Variants in KIAA1217 observed in about 807,000 individuals in gnomAD.
The protein encoded by KIAA1217 is sickle tail protein homolog.
KIAA1217 carries 88 observed loss-of-function variants against 163.9 expected under a neutral mutation model. That is an observed-to-expected ratio of 0.54 (90% confidence interval 0.45 to 0.64). The LOEUF (loss-of-function observed/expected upper bound fraction) is 0.64, where lower values mean the gene tolerates loss of function less well. Ranked by LOEUF, KIAA1217 falls within the 30% of genes least tolerant of loss-of-function variation. The pLI is 0.00. For synonymous variants in KIAA1217, 903 were observed against 923.1 expected (o/e 0.98, Z 0.39); for missense variants, 2,372 against 2,475.0 (o/e 0.96, Z 0.88).
At chr10:23,840,693 AT>A in intron 1 of KIAA1217, among the ~76,000 whole-genome samples, 1 of 152,318 alleles carries the variant, frequency 6.6e-6, no homozygotes, top group African/African-American at 2.4e-5. Flanking sequence ...CATTTTCAGT[AT>A]GTTTTAGTTG....
intron 1 of KIAA1217, among the ~76,000 whole-genome samples, chr10:23,900,075 T>C (rs901454185): frequency 2.0e-5 from 3 of 151,758 alleles, no homozygotes; most frequent in Non-Finnish European, 2.9e-5. Flanking sequence ...GGTGTGATCT[T>C]GGCTTACTGC....
intron 1 of KIAA1217, among the ~76,000 whole-genome samples, chr10:23,878,365 G>A (rs898803869): frequency 1.3e-5 from 2 of 151,878 alleles, no homozygotes; most frequent in Non-Finnish European, 2.9e-5. Flanking sequence ...CTTATTATTT[G>A]TCTCTTGATT....
In KIAA1217 at chr10:24,406,937, T is replaced by A. The variant is rs569719913; in HGVS notation, c.553+25870T>A. 6.6e-5 allele frequency among the ~76,000 whole-genome samples: 10 copies of A among 152,286 alleles called. 1 individual carries two copies. In the South Asian group the frequency reaches 2.1e-3, roughly 32 times the overall value. On this transcript the variant is annotated intron_variant, in intron 3 of 20. Transcript: ENST00000376454. Reference sequence around the variant, plus strand: ...ATTTTGCCCAACTCTTTCATAATAGTTTCATCTGATGAAACAACAAAAGCA... The same window carrying A: ...ATTTTGCCCAACTCTTTCATAATAGATTCATCTGATGAAACAACAAAAGCA...
At chr10:23,907,047 A>C (rs1375790867) in intron 1 of KIAA1217, among the ~76,000 whole-genome samples, 2 of 152,120 alleles carry the variant, frequency 1.3e-5, no homozygotes, top group Non-Finnish European at 2.9e-5. Flanking sequence ...GGCAGCGTAC[A>C]GTCATTTATG....
At position 24,215,714 on chromosome 10, in the gene KIAA1217, A is replaced by G. The variant is rs144939933; in HGVS notation, c.71-3912A>G. ...AGGTGTGGGGCTTGACGCTTCCAAG[A>G]GCTGAGCCTTGTCGAGGAAAAGGCT... On this transcript the variant is annotated intron_variant, in intron 1 of 20. Transcript: ENST00000376454. Among the ~76,000 whole-genome samples, 534 of 152,306 alleles carry G rather than the reference A, an allele frequency of 3.5e-3. 13 individuals are homozygous for G. The East Asian group carries it at 0.053, about 15-fold the overall frequency.
chr10:24,426,365 T>C (rs1282564863), intron 3 of KIAA1217, among the ~76,000 whole-genome samples: 2 of 152,130 alleles, frequency 1.3e-5, no homozygotes, highest in Non-Finnish European at 2.9e-5. Context: ...GCTCCACCTG[T>C]AATCCTAGCA....
chr10:24,445,624 T>A (rs2060861515), intron 5 of KIAA1217, among the ~76,000 whole-genome samples: 2 of 147,698 alleles, frequency 1.4e-5, no homozygotes, highest in Non-Finnish European at 3.0e-5. Context: ...AGTGAGAACA[T>A]GCGGTCTTTG....
chr10:24,444,138 G>T (rs934341335), intron 5 of KIAA1217, among the ~76,000 whole-genome samples: 19 of 152,062 alleles, frequency 1.2e-4, no homozygotes, highest in African/African-American at 4.3e-4. Context: ...AGCCTCTTGA[G>T]TAGCCGGGAC....
intron 2 of KIAA1217, among the ~76,000 whole-genome samples, chr10:24,105,627 C>G (rs1196830916): frequency 1.3e-5 from 2 of 152,306 alleles, no homozygotes; most frequent in African/African-American, 4.8e-5. Context: ...CTGCTGTCTC[C>G]CTTGGAGCTT....
At chr10:23,939,698 G>A (rs1156728429) in intron 1 of KIAA1217, among the ~76,000 whole-genome samples, 1 of 151,516 alleles carries the variant, frequency 6.6e-6, no homozygotes. Context: ...CTTAATTAGT[G>A]ATAAAACAAG....
chr10:24,209,354 GC>G, intron 1 of KIAA1217, 91 bp downstream of exon 1: 1 of 802,424 alleles, frequency 1.2e-6, no homozygotes, highest in Non-Finnish European at 1.8e-6. Context: ...CTGGGACCCG[GC>G]AAAGGAAAAA....
chr10:23,812,894 C>A (rs575202847), intron 1 of KIAA1217, among the ~76,000 whole-genome samples: 1 of 152,236 alleles, frequency 6.6e-6, no homozygotes, highest in Non-Finnish European at 1.5e-5. Context: ...ATGAGTAATG[C>A]TGTTATGAAC....
intron 1 of KIAA1217, among the ~76,000 whole-genome samples, chr10:23,731,466 T>G (rs1170804836): frequency 1.3e-5 from 2 of 152,158 alleles, no homozygotes; most frequent in African/African-American, 4.8e-5. Flanking sequence ...GAGCGCTTCA[T>G]GGTCAGTGGT....
chr10:24,103,949 AG>A (rs1393989120), intron 2 of KIAA1217, among the ~76,000 whole-genome samples: 3 of 152,236 alleles, frequency 2.0e-5, no homozygotes, highest in Non-Finnish European at 4.4e-5. Context: ...TCTTTGAGGA[AG>A]GAGCAAAGCC....
intron 1 of KIAA1217, among the ~76,000 whole-genome samples, chr10:23,850,436 G>A (rs541240234): frequency 6.6e-6 from 1 of 152,042 alleles, no homozygotes; most frequent in Non-Finnish European, 1.5e-5. Context: ...AATTTCCACT[G>A]TAGGGAAAAA....
In KIAA1217 at chr10:24,229,513, T is replaced by C. The variant is rs542465024; in HGVS notation, c.354+9604T>C. Among the ~76,000 whole-genome samples, 6 of 152,290 alleles carry C rather than the reference T, an allele frequency of 3.9e-5. No homozygotes were observed. In the South Asian group the frequency reaches 1.2e-3, roughly 32 times the overall value. ...AGAGCTGTTTCTTTTTTATTTTTAT[T>C]TTGTTTATTTATTTATTCTTTTGAG... On this transcript the variant is annotated intron_variant, in intron 2 of 20. Transcript: ENST00000376454.
intron 2 of KIAA1217, among the ~76,000 whole-genome samples, chr10:24,340,028 G>C (rs2046871493): frequency 6.6e-6 from 1 of 152,174 alleles, no homozygotes; most frequent in African/African-American, 2.4e-5. Context: ...GCTGCAGGCT[G>C]TGTGGTTCTG....
At position 23,845,086 on chromosome 10, in the gene KIAA1217, C is replaced by T. The variant is rs112940590; in HGVS notation, c.-321+149852C>T. On this transcript the variant is annotated intron_variant, in intron 1 of 18. Coordinates refer to the KIAA1217 transcript ENST00000376462. ...ATGAACTCATGCTTTGTTATGACTG[C>T]GTAGTATTCCGTGGTATATATGTGC... is the stretch of plus-strand genomic sequence containing the variant. 3.9e-3 allele frequency among the ~76,000 whole-genome samples: 595 copies of T among 152,194 alleles called. 9 individuals are homozygous for T. The highest frequency in any genetic ancestry group is 0.014 in the African/African-American group (567 of 41,522).
chr10:24,046,848 G>A (rs1400798918), intron 2 of KIAA1217, among the ~76,000 whole-genome samples: 2 of 152,160 alleles, frequency 1.3e-5, no homozygotes, highest in Non-Finnish European at 1.5e-5. Context: ...CCTTGTACTT[G>A]CACATTTCAC....
Sources: allele counts gnomAD v4.1 joint callset (sites outside exome capture counted in the v4.1 genomes callset), GRCh38; gene constraint gnomAD v4.1.1; transcripts MANE v1.5; gene names NCBI Gene and HGNC (gene_info 2026-07-23, HGNC 2026-07-21).